LRMDA: variants seen among roughly 807,000 people sequenced by gnomAD.
LRMDA encodes leucine rich melanocyte differentiation associated.
LRMDA carries 18 observed loss-of-function variants against 29.8 expected under a neutral mutation model. The ratio of observed to expected loss-of-function variants is 0.60; its 90% CI spans 0.42 to 0.90. The LOEUF is 0.90. LRMDA is among the 40% of genes least tolerant of loss of function. The pLI, the probability that LRMDA is intolerant of heterozygous loss-of-function variation, is 0.00. For synonymous variants in LRMDA, 125 were observed against 109.4 expected (o/e 1.14, Z -0.89); for missense variants, 273 against 273.9 (o/e 1.00, Z 0.02).
intron 5 of LRMDA, among the ~76,000 whole-genome samples, chr10:76,147,511 C>G (rs1278920121): frequency 6.6e-6 from 1 of 152,190 alleles, no homozygotes; most frequent in East Asian, 1.9e-4. Context: ...TCACGTAGCT[C>G]TCGTGCCTTG....
intron 2 of LRMDA, among the ~76,000 whole-genome samples, chr10:75,984,846 TTCCTCACCC>T (rs1362899789): frequency 6.6e-6 from 1 of 152,236 alleles, no homozygotes; most frequent in Non-Finnish European, 1.5e-5. Context: ...TGTTGGACTC[TTCCTCACCC>T]TCTGCTCAAA....
intron 5 of LRMDA, among the ~76,000 whole-genome samples, chr10:76,322,472 T>G (rs1421953877): frequency 6.6e-6 from 1 of 152,244 alleles, no homozygotes; most frequent in East Asian, 1.9e-4. Flanking sequence ...AGTAATTAAG[T>G]GCTGGTCATA....
chr10:76,469,646 A>G (rs1449081862), intron 6 of LRMDA, among the ~76,000 whole-genome samples: 1 of 152,110 alleles, frequency 6.6e-6, no homozygotes, highest in Non-Finnish European at 1.5e-5. Context: ...GTTCAAGGCT[A>G]AGGGTACTTT....
At chr10:75,835,148 A>T (rs924039444) in intron 2 of LRMDA, among the ~76,000 whole-genome samples, 12 of 152,226 alleles carry the variant, frequency 7.9e-5, no homozygotes, top group Admixed American at 7.9e-4. Context: ...TAGAGGTCAG[A>T]AGTTCAAAAT....
intron 4 of LRMDA, among the ~76,000 whole-genome samples, chr10:76,048,828 A>G (rs1848484158): frequency 1.3e-5 from 2 of 152,170 alleles, no homozygotes; most frequent in Admixed American, 1.3e-4. Flanking sequence ...CCACATCTAG[A>G]GAATGGCTTC....
chr10:75,809,198 C>T (rs11001505), intron 2 of LRMDA, among the ~76,000 whole-genome samples: 4,964 of 152,298 alleles, frequency 0.033, 379 homozygotes, highest in East Asian at 0.32. Flanking sequence ...ACCTTGCTGC[C>T]AGGTGGCCTC....
At chr10:76,278,019 T>C (rs918845479) in intron 5 of LRMDA, among the ~76,000 whole-genome samples, 3 of 152,230 alleles carry the variant, frequency 2.0e-5, no homozygotes, top group Non-Finnish European at 2.9e-5. Flanking sequence ...TCCCAGTGGT[T>C]ACTTAATCCA....
intron 6 of LRMDA, among the ~76,000 whole-genome samples, chr10:76,510,153 C>T (rs1842995802): frequency 6.6e-6 from 1 of 152,130 alleles, no homozygotes; most frequent in East Asian, 1.9e-4. Context: ...TCACTGCAAC[C>T]TCCGCCTCCC....
chr10:75,748,917 C>G (rs1589185484), intron 2 of LRMDA, among the ~76,000 whole-genome samples: 3 of 152,124 alleles, frequency 2.0e-5, no homozygotes, highest in Admixed American at 2.0e-4. Context: ...GTATGTGTAT[C>G]TATACACACA....
chr10:75,996,854 T>C (rs1021814164), intron 2 of LRMDA, among the ~76,000 whole-genome samples: 1 of 151,202 alleles, frequency 6.6e-6, no homozygotes. Flanking sequence ...TGCCTCAGCC[T>C]CCCGAGTAGC....
At chr10:76,393,639 T>C (rs565841506) in intron 6 of LRMDA, among the ~76,000 whole-genome samples, 1 of 152,290 alleles carries the variant, frequency 6.6e-6, no homozygotes, top group South Asian at 2.1e-4. Flanking sequence ...ACTGTTTCTT[T>C]TGATGAGCAG....
chr10:75,905,255 TA>T (rs60834248), intron 2 of LRMDA, among the ~76,000 whole-genome samples: 1,840 of 143,294 alleles, frequency 0.013, 38 homozygotes, highest in African/African-American at 0.045. Context: ...TTTTTTTTTT[TA>T]AATCATAGAC....
intron 5 of LRMDA, among the ~76,000 whole-genome samples, chr10:76,220,920 A>G (rs944675367): frequency 6.6e-6 from 1 of 152,086 alleles, no homozygotes; most frequent in African/African-American, 2.4e-5. Context: ...AAGCTTATCC[A>G]CCATGATCAA....
chr10:76,039,341 TA>T (rs1397591285), intron 3 of LRMDA, among the ~76,000 whole-genome samples: 2 of 152,250 alleles, frequency 1.3e-5, no homozygotes, highest in Non-Finnish European at 2.9e-5. Flanking sequence ...AAAAAAGTAT[TA>T]GCTCTTTTGT....
chr10:75,691,262 G>GTATA (rs3041681), intron 2 of LRMDA, among the ~76,000 whole-genome samples: 3,049 of 141,042 alleles, frequency 0.022, 129 homozygotes, highest in African/African-American at 0.074. Context: ...ATGTATATGT[G>GTATA]TATATATATA....
intron 2 of LRMDA, among the ~76,000 whole-genome samples, chr10:75,998,956 G>A (rs1358294209): frequency 3.3e-5 from 5 of 152,298 alleles, no homozygotes; most frequent in African/African-American, 1.2e-4. Context: ...CTGAGGAAGA[G>A]CTCCTTTTTC....
In LRMDA at chr10:75,688,951, T is replaced by A. The variant is rs550015820; in HGVS notation, c.131+250457T>A. Among the ~76,000 whole-genome samples the A allele has an allele frequency of 1.4e-4, 21 of 152,330 alleles. No individual in the cohort carries two copies. The South Asian group carries it at 4.4e-3, about 32-fold the overall frequency. On this transcript the variant is annotated intron_variant, in intron 2 of 6. Transcript: ENST00000611255. Reference sequence around the variant, plus strand: ...GTATATACATTTTTTAGACATACTGTTATTGCACACTTAATAGACTACAGT... The same window carrying A: ...GTATATACATTTTTTAGACATACTGATATTGCACACTTAATAGACTACAGT...
At chr10:75,827,778 A>G (rs140947176) in intron 2 of LRMDA, among the ~76,000 whole-genome samples, 3 of 152,338 alleles carry the variant, frequency 2.0e-5, no homozygotes, top group African/African-American at 7.2e-5. Flanking sequence ...CATTTGTTGC[A>G]AACAGTTTGC....
chr10:76,239,130 G>A (rs1052599357), intron 5 of LRMDA, among the ~76,000 whole-genome samples: 1 of 152,072 alleles, frequency 6.6e-6, no homozygotes, highest in Non-Finnish European at 1.5e-5. Flanking sequence ...CAAACTGTCA[G>A]CCCTGTGCAG....
Sources: gnomAD v4.1 joint callset for allele counts (sites outside exome capture counted in the v4.1 genomes callset) on GRCh38, gnomAD v4.1.1 for gene constraint, MANE v1.5 for transcripts, NCBI Gene and HGNC (gene_info 2026-07-23, HGNC 2026-07-21) for gene names.